SHTN1: variants seen among roughly 807,000 people sequenced by gnomAD.
SHTN1 encodes shootin 1.
A neutral mutation model predicts 83.1 loss-of-function variants in SHTN1; 42 were observed. The ratio of observed to expected loss-of-function variants is 0.51; its 90% CI spans 0.39 to 0.65. SHTN1 has a LOEUF of 0.65. Ranked by LOEUF, SHTN1 falls within the 30% of genes least tolerant of loss-of-function variation. SHTN1 has a pLI of 0.00. For missense variants in SHTN1, 622 were observed against 737.8 expected, an observed-to-expected ratio of 0.84 and a Z score of 1.82; for synonymous variants, 224 against 247.7, an observed-to-expected ratio of 0.90 and a Z score of 0.90.
chr10:117,014,577 T>G (rs1852153982), intron 2 of SHTN1, among the ~76,000 whole-genome samples: 1 of 152,174 alleles, frequency 6.6e-6, no homozygotes, highest in African/African-American at 2.4e-5. Context: ...AGGGTAGGGT[T>G]GAATAAATAA....
rs10595400 is a variant in SHTN1, at chr10:117,076,182, CAAA to C, written c.-188-27675_-188-27673del. 5.0e-3 allele frequency among the ~76,000 whole-genome samples: 498 copies of C among 99,406 alleles called. 1 individual carries two copies. Among genetic ancestry groups the C allele is most frequent in the African/African-American group, 0.013 (376 of 28,372 alleles). The allele number at this position is 99,406 out of a possible 152,430, so 65.2% of individuals were successfully genotyped here. A position where few individuals can be genotyped will look rare whatever the true frequency, so the allele number is the denominator to read the frequency against. On this transcript the variant is annotated intron_variant, in intron 1 of 17. Transcript: ENST00000392901. ...TGCGCGACAAAGCAAGACCCTGTCT[CAAA>C]AAAAAAAAAAAAAAAAAGATAATGT... is the stretch of plus-strand genomic sequence containing the variant.
intron 2 of SHTN1, among the ~76,000 whole-genome samples, chr10:117,034,359 T>C (rs1383252362): frequency 1.3e-5 from 2 of 152,134 alleles, no homozygotes; most frequent in African/African-American, 2.4e-5. Flanking sequence ...AATCAACATA[T>C]GGCCGGGCAT....
At chr10:117,116,045 TAGA>T (rs1276410847) in intron 1 of SHTN1, among the ~76,000 whole-genome samples, 2 of 151,566 alleles carry the variant, frequency 1.3e-5, no homozygotes, top group East Asian at 3.9e-4. Context: ...CCAAAATTAG[TAGA>T]AGGAAAGAAA....
intron 1 of SHTN1, among the ~76,000 whole-genome samples, chr10:116,991,111 G>A (rs915387782): frequency 3.9e-5 from 6 of 152,054 alleles, no homozygotes; most frequent in Non-Finnish European, 7.4e-5. Flanking sequence ...GCTTGAACCC[G>A]GGAGGCGGAG....
chr10:117,029,860 C>T (rs1237175103), intron 2 of SHTN1, among the ~76,000 whole-genome samples: 2 of 150,626 alleles, frequency 1.3e-5, no homozygotes, highest in African/African-American at 4.9e-5. Context: ...CTCTCTCTCT[C>T]CCTCCCTCCC....
Position 116,921,431 on chromosome 10 carries a change from T to A in SHTN1, c.1195+3A>T. 1.2e-6 allele frequency: 2 copies of A among 1,610,432 alleles called. No homozygotes were observed. Among genetic ancestry groups the A allele is most frequent in the Non-Finnish European group, 1.7e-6 (2 of 1,177,020 alleles). On this transcript the variant is annotated splice_donor_region_variant and intron_variant, in intron 12 of 16. Coordinates refer to ENST00000355371, the MANE Select transcript of SHTN1 (RefSeq NM_001127211.3). Reference sequence around the variant, plus strand: ...CACTTACACCAATAGAAGTGATGCTTACTTGTTTCTGGTTGAGTTGCCTTT... The same window carrying A: ...CACTTACACCAATAGAAGTGATGCTAACTTGTTTCTGGTTGAGTTGCCTTT...
chr10:116,981,806 G>GC (rs1851028631), intron 1 of SHTN1, among the ~76,000 whole-genome samples: 1 of 152,070 alleles, frequency 6.6e-6, no homozygotes, highest in Non-Finnish European at 1.5e-5. Flanking sequence ...CATTTGTAAT[G>GC]CCAGCACTTT....
intron 2 of SHTN1, among the ~76,000 whole-genome samples, chr10:117,041,483 C>T (rs1270138228): frequency 6.6e-6 from 1 of 152,026 alleles, no homozygotes; most frequent in Non-Finnish European, 1.5e-5. Flanking sequence ...ATTTTAAAAC[C>T]TGCAACATGT....
chr10:116,987,642 C>A (rs372105483), intron 1 of SHTN1, among the ~76,000 whole-genome samples: 1 of 152,048 alleles, frequency 6.6e-6, no homozygotes, highest in African/African-American at 2.4e-5. Context: ...GGAGGTCAGA[C>A]GCAGTGGCTC....
Position 116,952,888 on chromosome 10 carries a change from G to A in SHTN1, c.437-882C>T, listed in dbSNP as rs567073739. 7.4e-4 allele frequency among the ~76,000 whole-genome samples: 112 copies of A among 152,280 alleles called. 2 individuals carry two copies. The South Asian group carries it at 0.022, about 30-fold the overall frequency. ...GAGAAGTTCTCAGAGACTTATTTCTGAATCACTTTCTCCATTTGCTGGCTA... is the reference window on the plus strand; with the variant it reads ...GAGAAGTTCTCAGAGACTTATTTCTAAATCACTTTCTCCATTTGCTGGCTA... On this transcript the variant is annotated intron_variant, in intron 5 of 16. Coordinates refer to ENST00000355371, the MANE Select transcript of SHTN1 (RefSeq NM_001127211.3).
intron 7 of SHTN1, among the ~76,000 whole-genome samples, chr10:116,946,931 G>A (rs563056646): frequency 1.3e-5 from 2 of 151,956 alleles, no homozygotes; most frequent in African/African-American, 4.8e-5. Context: ...ATGTTGGCCA[G>A]GCTGGTCTCA....
intron 3 of SHTN1, among the ~76,000 whole-genome samples, chr10:116,967,244 G>C (rs1564904024): frequency 1.3e-5 from 2 of 152,164 alleles, no homozygotes; most frequent in African/African-American, 2.4e-5. Context: ...CTCTGGGTCT[G>C]ATCAGCTATG....
chr10:116,921,135 C>T (rs1848550156), intron 12 of SHTN1, among the ~76,000 whole-genome samples: 3 of 152,160 alleles, frequency 2.0e-5, no homozygotes, highest in Admixed American at 6.5e-5. Flanking sequence ...AGAAGTCTTG[C>T]CCCAAATCCC....
intron 2 of SHTN1, among the ~76,000 whole-genome samples, chr10:117,015,080 A>AT (rs148966573): frequency 0.021 from 3,085 of 148,882 alleles, 39 homozygotes; most frequent in Non-Finnish European, 0.033. Flanking sequence ...ATCCTGAGGC[A>AT]TTTTTTTTTT....
At chr10:117,115,334 A>C (rs923741170) in intron 1 of SHTN1, among the ~76,000 whole-genome samples, 2 of 152,252 alleles carry the variant, frequency 1.3e-5, no homozygotes, top group African/African-American at 4.8e-5. Flanking sequence ...AATGAAAAAT[A>C]ATTATATACA....
chr10:117,086,010 TC>T (rs1410352616), intron 1 of SHTN1, among the ~76,000 whole-genome samples: 5 of 135,894 alleles, frequency 3.7e-5, no homozygotes, highest in Non-Finnish European at 7.6e-5. Flanking sequence ...AACCTCCACC[TC>T]CCGGGTTCAA....
At position 116,968,659 on chromosome 10, in the gene SHTN1, A is replaced by C; in HGVS notation, c.165T>G (p.Phe55Leu). Residue 55 changes from phenylalanine (F) to leucine (L), a missense_variant, in exon 3 of 17, where the codon TTT (phenylalanine) becomes TTG (leucine). Phe to Leu is a conservative substitution (Grantham distance 22). Around this residue, in one of 3 missense-constraint regions of SHTN1, gnomAD observed 383 missense variants for 455.8 expected, o/e 0.84. Transcript: ENST00000355371. ...ACTGAAATGCTTACGTACTTTTCTG[A>C]AATTCTTCCAGTTTTTTAACGGCTT... ...RDEAVKKLEE[F>L]QKISHMVIEE... The C allele has an allele frequency of 1.2e-6, 2 of 1,610,122 alleles. No individual in the cohort carries two copies. Among genetic ancestry groups the C allele is most frequent in the Non-Finnish European group, 8.5e-7 (1 of 1,176,978 alleles).
chr10:117,039,146 A>AT (rs1554932933), intron 2 of SHTN1, among the ~76,000 whole-genome samples: 1 of 152,240 alleles, frequency 6.6e-6, no homozygotes, highest in African/African-American at 2.4e-5. Context: ...AGACAATGGA[A>AT]TATTATTCAG....
At chr10:117,052,772 C>A (rs1852765816) in intron 1 of SHTN1, among the ~76,000 whole-genome samples, 1 of 151,616 alleles carries the variant, frequency 6.6e-6, no homozygotes, top group Non-Finnish European at 1.5e-5. Context: ...CTAATCCCAG[C>A]ACTTTGGGAG....
Sources: gnomAD v4.1 joint callset for allele counts (sites outside exome capture counted in the v4.1 genomes callset) on GRCh38, gnomAD v4.1.1 for gene constraint, gnomAD v4.1.1 regional missense constraint, MANE v1.5 for transcripts, NCBI Gene and HGNC (gene_info 2026-07-23, HGNC 2026-07-21) for gene names.